Variants in KIRREL3 observed in about 807,000 individuals in gnomAD.
The protein encoded by KIRREL3 is kin of IRRE-like protein 3.
Under a neutral mutation model 89.7 loss-of-function variants are expected in KIRREL3, and 36 were observed. The observed-to-expected ratio is 0.40, with a 90% CI of 0.31 to 0.53. The LOEUF is 0.53. Among genes scored for constraint, KIRREL3 ranks in the 20% least tolerant of loss-of-function variants. The pLI is 0.49. For missense variants in KIRREL3, 864 were observed against 1,056.6 expected (o/e 0.82, Z 2.53); for synonymous variants, 445 against 441.4 (o/e 1.01, Z -0.10).
rs7952391 is a variant in KIRREL3 at position 126,883,951 on chromosome 11, A to T, written c.55+116504T>A. 0.62 allele frequency among the ~76,000 whole-genome samples: 93,172 copies of T among 151,466 alleles called. 30,153 individuals are homozygous for T. Among genetic ancestry groups the T allele is most frequent in the African/African-American group, 0.82 (33,909 of 41,294 alleles). On this transcript the variant is annotated intron_variant, in intron 1 of 16. Transcript: ENST00000525144. This position sits in a 1 kb window ranked among gnomAD's most constrained non-coding sequence, Gnocchi z 4.1. ...GTTCAACAATGGAAGCTTCTCAAAG[A>T]CATGAGCCCCCTGTTCCTGCAGGTA... is the stretch of plus-strand genomic sequence containing the variant.
chr11:126,457,334 T>A (rs1293090393), intron 6 of KIRREL3, among the ~76,000 whole-genome samples: 2 of 148,932 alleles, frequency 1.3e-5, no homozygotes, highest in Admixed American at 1.4e-4. Context: ...TGTGTATGTG[T>A]ATATGTGTGT....
intron 1 of KIRREL3, among the ~76,000 whole-genome samples, chr11:126,810,447 T>C (rs1951344636): frequency 1.3e-5 from 2 of 152,194 alleles, no homozygotes; most frequent in Non-Finnish European, 2.9e-5. Flanking sequence ...TTTAAAAATA[T>C]TTTATGTAAA....
intron 5 of KIRREL3, among the ~76,000 whole-genome samples, chr11:126,473,029 C>CT (rs1956953593): frequency 2.0e-5 from 1 of 49,648 alleles, no homozygotes; most frequent in African/African-American, 9.0e-5. Flanking sequence ...CACTATCCTC[C>CT]CCTCTACCTA....
In KIRREL3 at chr11:126,535,200, G is replaced by A. The variant is rs977139229; in HGVS notation, c.134-8513C>T. 3.9e-5 allele frequency among the ~76,000 whole-genome samples: 6 copies of A among 152,190 alleles called. No individual in the cohort carries two copies. The highest frequency in any genetic ancestry group is 7.4e-5 in the Non-Finnish European group (5 of 68,008). On this transcript the variant is annotated intron_variant, in intron 2 of 16. Transcript: ENST00000525144. The surrounding 1 kb of genome is among the most constrained non-coding windows in gnomAD (Gnocchi z 4.5). Reference sequence around the variant, plus strand: ...TCCTCCATCGGGACTCCTCCTGACTGCTCTTCCCAAAAGCCCCCTCTAGAT... The same window carrying A: ...TCCTCCATCGGGACTCCTCCTGACTACTCTTCCCAAAAGCCCCCTCTAGAT...
chr11:126,820,044 T>C (rs1455214858), intron 1 of KIRREL3, among the ~76,000 whole-genome samples: 1 of 152,206 alleles, frequency 6.6e-6, no homozygotes, highest in African/African-American at 2.4e-5. Context: ...CTCTCATTCA[T>C]TCATGTAAGA....
chr11:126,865,946 C>T (rs1026574638), intron 1 of KIRREL3, among the ~76,000 whole-genome samples: 9 of 152,096 alleles, frequency 5.9e-5, no homozygotes, highest in African/African-American at 1.7e-4. Context: ...GCCTCCTCTG[C>T]GCTGAATAAT....
chr11:126,598,579 G>A (rs1306129087), intron 1 of KIRREL3, among the ~76,000 whole-genome samples: 2 of 152,146 alleles, frequency 1.3e-5, no homozygotes, highest in East Asian at 1.9e-4. Flanking sequence ...TGACCATGAG[G>A]TATGACCCAA....
chr11:126,703,308 T>C lies in KIRREL3; in HGVS notation c.56-140396A>G, dbSNP rs1947386879. Among the ~76,000 whole-genome samples the C allele has an allele frequency of 6.6e-6, 1 of 152,248 alleles. No homozygotes were observed. The highest frequency in any genetic ancestry group is 1.5e-5 in the Non-Finnish European group (1 of 68,042). The stretch of plus-strand genomic sequence containing the variant: ...TGCATGGTCTGCGGAGGAATGGTGC[T>C]CCTGAGAGCTGTTCTCTGCAGCAGC... On this transcript the variant is annotated intron_variant, in intron 1 of 16. Coordinates refer to ENST00000525144, the MANE Select transcript of KIRREL3 (RefSeq NM_032531.4). The surrounding 1 kb of genome is among the most constrained non-coding windows in gnomAD (Gnocchi z 4.6).
intron 4 of KIRREL3, among the ~76,000 whole-genome samples, chr11:126,511,047 C>CTGTGTGTGTG (rs55885385): frequency 0.21 from 29,737 of 141,962 alleles, 3,025 homozygotes; most frequent in Middle Eastern, 0.25. Flanking sequence ...ATCTGCAGTG[C>CTGTGTGTGTG]TGTGTGTGTG....
chr11:126,431,321 C>T lies in KIRREL3; in HGVS notation c.1696+98G>A. 1 of 1,558,464 alleles carries T rather than the reference C, an allele frequency of 6.4e-7. No individual in the cohort carries two copies. The highest frequency in any genetic ancestry group is 8.7e-7 in the Non-Finnish European group (1 of 1,151,022). On this transcript the variant is annotated intron_variant, in intron 14 of 16. Transcript: ENST00000525144. This position sits in a 1 kb window ranked among gnomAD's most constrained non-coding sequence, Gnocchi z 7.1. ...GGAGCTCACAGCACTGTTAGGACCCCTGTTCATTGCACTCCTGCTTACTTG... is the reference window on the plus strand; with the variant it reads ...GGAGCTCACAGCACTGTTAGGACCCTTGTTCATTGCACTCCTGCTTACTTG...
rs201905353 is a variant in KIRREL3 at position 126,474,702 on chromosome 11, C to T, written c.434-1236G>A. ...GAAGAGGGCCATCCGCGTCGGAGCA[C>T]GGTCTCCGCAGTGCCCAGCACAGAG... is the stretch of plus-strand genomic sequence containing the variant. On this transcript the variant is annotated intron_variant, in intron 4 of 16. Transcript: ENST00000525144. The surrounding 1 kb of genome is among the most constrained non-coding windows in gnomAD (Gnocchi z 6.7). Among the ~76,000 whole-genome samples the T allele has an allele frequency of 3.3e-5, 5 of 152,324 alleles. No homozygotes were observed. The highest frequency in any genetic ancestry group is 1.9e-4 in the East Asian group (1 of 5,178).
chr11:126,547,024 G>A (rs1938862853), intron 2 of KIRREL3, among the ~76,000 whole-genome samples: 1 of 152,178 alleles, frequency 6.6e-6, no homozygotes, highest in Non-Finnish European at 1.5e-5. Flanking sequence ...CACTGAGTGT[G>A]TTTGCTTCAC....
In KIRREL3 at chr11:126,780,173, A is replaced by G. The variant is rs566361565; in HGVS notation, c.56-217261T>C. Among the ~76,000 whole-genome samples the G allele has an allele frequency of 3.3e-5, 5 of 152,306 alleles. No homozygotes were observed. Among genetic ancestry groups the G allele is most frequent in the Admixed American group, 2.6e-4 (4 of 15,304 alleles). On this transcript the variant is annotated intron_variant, in intron 1 of 16. Transcript: ENST00000525144. The surrounding 1 kb of genome is among the most constrained non-coding windows in gnomAD (Gnocchi z 5.3). ...ACAAGCGGGGAGAAATTCAGGTTCAATGAAAGGAAAACAGGAAAAGACTGC... is the reference window on the plus strand; with the variant it reads ...ACAAGCGGGGAGAAATTCAGGTTCAGTGAAAGGAAAACAGGAAAAGACTGC...
Position 126,811,119 on chromosome 11 carries a change from T to C in KIRREL3, c.55+189336A>G, listed in dbSNP as rs565077949. Among the ~76,000 whole-genome samples, 51 of 152,310 alleles carry C rather than the reference T, an allele frequency of 3.3e-4. No homozygotes were observed. Among genetic ancestry groups the C allele is most frequent in the Admixed American group, 3.3e-3 (50 of 15,306 alleles). On this transcript the variant is annotated intron_variant, in intron 1 of 16. Transcript: ENST00000525144. This position sits in a 1 kb window ranked among gnomAD's most constrained non-coding sequence, Gnocchi z 4.3. ...GCCAAATAGGAGTGTTGACATCCCCTTCTAAGCTCCCGCAGCAGCCAGGCT... is the reference window on the plus strand; with the variant it reads ...GCCAAATAGGAGTGTTGACATCCCCCTCTAAGCTCCCGCAGCAGCCAGGCT...
chr11:126,821,249 G>A (rs143184642), intron 1 of KIRREL3, among the ~76,000 whole-genome samples: 175 of 150,880 alleles, frequency 1.2e-3, no homozygotes, highest in African/African-American at 4.0e-3. Flanking sequence ...AAGCTGGCAG[G>A]GGGACACCCC....
intron 1 of KIRREL3, among the ~76,000 whole-genome samples, chr11:126,790,144 G>A (rs1370715856): frequency 6.6e-6 from 1 of 152,210 alleles, no homozygotes; most frequent in African/African-American, 2.4e-5. Context: ...CTCTATTGGA[G>A]TGGTCCTCCC....
chr11:126,756,086 A>G (rs1389602208), intron 1 of KIRREL3, among the ~76,000 whole-genome samples: 1 of 152,196 alleles, frequency 6.6e-6, no homozygotes, highest in Non-Finnish European at 1.5e-5. Flanking sequence ...TGTTTTAATC[A>G]CCGATTATGT....
chr11:126,948,903 A>G lies in KIRREL3; in HGVS notation c.55+51552T>C, dbSNP rs1948696697. Among the ~76,000 whole-genome samples the G allele has an allele frequency of 1.3e-5, 2 of 152,218 alleles. No individual in the cohort carries two copies. Among genetic ancestry groups the G allele is most frequent in the South Asian group, 2.1e-4 (1 of 4,828 alleles). ...GCCTCCAAAACATAATCCCATATAC[A>G]TATACCATATAACATGCTGGGCTAG... On this transcript the variant is annotated intron_variant, in intron 1 of 16. Transcript: ENST00000525144. This position sits in a 1 kb window ranked among gnomAD's most constrained non-coding sequence, Gnocchi z 4.5.
chr11:126,499,949 T>G (rs139325310), intron 4 of KIRREL3, among the ~76,000 whole-genome samples: 1 of 152,336 alleles, frequency 6.6e-6, no homozygotes, highest in East Asian at 1.9e-4. Context: ...ATTTTGCTAT[T>G]TCTGCATCTT....
Sources: gnomAD v4.1 joint callset for allele counts (sites outside exome capture counted in the v4.1 genomes callset) on GRCh38, gnomAD v4.1.1 for gene constraint, Gnocchi (gnomAD v3.1) non-coding constraint, MANE v1.5 for transcripts, NCBI Gene and HGNC (gene_info 2026-07-23, HGNC 2026-07-21) for gene names.